Variants in CNTNAP5 observed in about 807,000 individuals in gnomAD.
CNTNAP5 encodes contactin-associated protein-like 5.
CNTNAP5 carries 72 observed loss-of-function variants against 150.2 expected under a neutral mutation model. The ratio of observed to expected loss-of-function variants is 0.48; its 90% confidence interval spans 0.40 to 0.58. The LOEUF (loss-of-function observed/expected upper bound fraction) is 0.58. CNTNAP5 is among the 20% of genes least tolerant of loss of function. The pLI is 0.00. For synonymous variants in CNTNAP5, 672 were observed against 619.8 expected, an observed-to-expected ratio of 1.08 and a Z score of -1.25; for missense variants, 1,636 against 1,626.2, an observed-to-expected ratio of 1.01 and a Z score of -0.10.
At chr2:124,124,707 C>G (rs1228462300) in intron 1 of CNTNAP5, among the ~76,000 whole-genome samples, 1 of 152,188 alleles carries the variant, frequency 6.6e-6, no homozygotes, top group Non-Finnish European at 1.5e-5. Context: ...AGACTAACAG[C>G]AGATCTCTCA....
chr2:124,680,091 A>T (rs2105067619), intron 13 of CNTNAP5, among the ~76,000 whole-genome samples: 1 of 151,916 alleles, frequency 6.6e-6, no homozygotes, highest in Non-Finnish European at 1.5e-5. Flanking sequence ...GTATCCAGAA[A>T]AAAGTGTACC....
At chr2:124,501,063 T>C (rs1256627219) in intron 7 of CNTNAP5, among the ~76,000 whole-genome samples, 1 of 152,078 alleles carries the variant, frequency 6.6e-6, no homozygotes, top group Non-Finnish European at 1.5e-5. Flanking sequence ...TCTTATAAGA[T>C]ATAGGGAGGA....
In CNTNAP5 at chr2:124,563,238, A is replaced by T; in HGVS notation, c.1671A>T (p.Glu557Asp). The change falls in exon 11 of 24, where the codon GAA (glutamate) becomes GAT (aspartate). Residue 557 changes from glutamate (E) to aspartate (D), a missense_variant. Coordinates refer to ENST00000682447, the MANE Select transcript of CNTNAP5 (RefSeq NM_001367498.1). ...TTAGGTGTTTGCCAAACTACTGTGA[A>T]CATGGAGGAAGCTGCTCCCAGTCCT... ...IKDRCLPNYC[E>D]HGGSCSQSWT... 1 of 1,593,574 alleles carries T rather than the reference A, an allele frequency of 6.3e-7. No individual in the cohort carries two copies. The highest frequency in any genetic ancestry group is 8.6e-7 in the Non-Finnish European group (1 of 1,168,878).
intron 3 of CNTNAP5, among the ~76,000 whole-genome samples, chr2:124,307,677 A>G (rs1039524499): frequency 1.1e-4 from 17 of 152,222 alleles, no homozygotes; most frequent in African/African-American, 4.1e-4. Flanking sequence ...GGGGGCTGAA[A>G]TGCAAACTGA....
intron 1 of CNTNAP5, among the ~76,000 whole-genome samples, chr2:124,069,154 C>A (rs916770462): frequency 1.3e-5 from 2 of 152,028 alleles, no homozygotes; most frequent in African/African-American, 4.8e-5. Context: ...TCACAAGGGC[C>A]TTAAGTGAAG....
At position 124,731,459 on chromosome 2, in the gene CNTNAP5, G is replaced by A. The variant is rs376987200; in HGVS notation, c.2078-15770G>A. On this transcript the variant is annotated intron_variant, in intron 13 of 23. Coordinates refer to ENST00000682447, the MANE Select transcript of CNTNAP5 (RefSeq NM_001367498.1). ...CTTGTCGAATCGATTGTGCTAAGGC[G>A]TTTAAAAAGGTTGCCTTTCAGGAGG... Among the ~76,000 whole-genome samples the A allele has an allele frequency of 9.9e-5, 15 of 151,838 alleles. No homozygotes were observed. The East Asian group carries it at 2.3e-3, about 24-fold the overall frequency.
chr2:124,202,173 C>T (rs2104711094), intron 1 of CNTNAP5, among the ~76,000 whole-genome samples: 1 of 152,210 alleles, frequency 6.6e-6, no homozygotes, highest in Admixed American at 6.5e-5. Flanking sequence ...TAAACTATGT[C>T]TAAAATCAAG....
In CNTNAP5 at chr2:124,398,480, C is replaced by CTTTATTTATTTATTTATTTA. The variant is rs71394036; in HGVS notation, c.382-18951_382-18932dup. On this transcript the variant is annotated intron_variant, in intron 3 of 23. Transcript: ENST00000682447. Reference sequence around the variant, plus strand: ...TATAGGGAATATTAAGAAATTTTTACTTTATTTATTTATTTATTTATTTAT... The same window carrying CTTTATTTATTTATTTATTTA: ...TATAGGGAATATTAAGAAATTTTTACTTTATTTATTTATTTATTTATTTATTTATTTATTTATTTATTTAT... 1.1e-3 allele frequency among the ~76,000 whole-genome samples: 169 copies of CTTTATTTATTTATTTATTTA among 147,984 alleles called. 1 individual carries two copies. The highest frequency in any genetic ancestry group is 2.6e-3 in the Admixed American group (38 of 14,690).
chr2:124,896,804 T>G (rs1346413780), intron 21 of CNTNAP5, among the ~76,000 whole-genome samples: 1 of 151,542 alleles, frequency 6.6e-6, no homozygotes, highest in East Asian at 1.9e-4. Flanking sequence ...CTCCCAAAAT[T>G]CTGGGATTAC....
intron 12 of CNTNAP5, among the ~76,000 whole-genome samples, chr2:124,645,054 A>C (rs749459856): frequency 1.9e-4 from 29 of 152,216 alleles, no homozygotes; most frequent in Non-Finnish European, 3.1e-4. Context: ...TATAAACATC[A>C]TGGACATTTC....
intron 1 of CNTNAP5, among the ~76,000 whole-genome samples, chr2:124,194,406 T>A (rs1199264993): frequency 2.0e-3 from 36 of 17,624 alleles, no homozygotes; most frequent in African/African-American, 7.0e-3. Flanking sequence ...TATATATATA[T>A]ATATAAATAT....
intron 14 of CNTNAP5, among the ~76,000 whole-genome samples, chr2:124,754,287 CTA>C (rs1242423655): frequency 1.3e-5 from 2 of 152,134 alleles, no homozygotes; most frequent in African/African-American, 4.8e-5. Context: ...TAGGCAATCT[CTA>C]TTGGTTGAAT....
chr2:124,890,867 G>A (rs140589577), intron 21 of CNTNAP5, among the ~76,000 whole-genome samples: 31 of 152,106 alleles, frequency 2.0e-4, no homozygotes, highest in African/African-American at 7.2e-4. Context: ...TACATGGGTG[G>A]GGAGTCTCCT....
intron 3 of CNTNAP5, among the ~76,000 whole-genome samples, chr2:124,263,581 T>C (rs1158219041): frequency 6.6e-6 from 1 of 152,204 alleles, no homozygotes; most frequent in Non-Finnish European, 1.5e-5. Context: ...GCAAAAATTT[T>C]CTCCCCTTCT....
chr2:124,683,903 G>A (rs2105071768), intron 13 of CNTNAP5, among the ~76,000 whole-genome samples: 2 of 152,214 alleles, frequency 1.3e-5, no homozygotes, highest in South Asian at 4.1e-4. Context: ...TTATCTACAT[G>A]ATGCCACTGG....
At chr2:124,713,242 T>TTTC in intron 13 of CNTNAP5, among the ~76,000 whole-genome samples, 1 of 14,928 alleles carries the variant, frequency 6.7e-5, no homozygotes, top group East Asian at 2.6e-3. Context: ...TTTCTTTCTT[T>TTTC]CTCTTTCTTT....
chr2:124,772,934 A>C lies in CNTNAP5; in HGVS notation c.2669A>C (p.Gln890Pro). 6.2e-7 allele frequency: 1 copy of C among 1,613,780 alleles called. No individual in the cohort carries two copies. The highest frequency in any genetic ancestry group is 2.2e-5 in the East Asian group (1 of 44,858). The change falls in exon 17 of 24, where the codon CAG becomes CCG. Residue 890 changes from glutamine to proline, a missense_variant. Physicochemically the swap from Gln to Pro is moderately conservative, Grantham distance 76. Transcript: ENST00000682447. ...AGGAACCTCAAGGAGACCTCCCTGC[A>C]GGTGGACAACCTTCCAAGGAGCACC... is the stretch of plus-strand genomic sequence containing the variant. Reference protein sequence around the residue: ...AERNLKETSLQVDNLPRSTRE... With the variant: ...AERNLKETSLPVDNLPRSTRE...
At chr2:124,425,510 A>G (rs911140935) in intron 4 of CNTNAP5, among the ~76,000 whole-genome samples, 2 of 152,112 alleles carry the variant, frequency 1.3e-5, no homozygotes, top group Non-Finnish European at 2.9e-5. Context: ...GATTTCTGAA[A>G]CCTCATCCCC....
chr2:124,143,840 G>A (rs955566757), intron 1 of CNTNAP5, among the ~76,000 whole-genome samples: 1 of 70,808 alleles, frequency 1.4e-5, no homozygotes. Context: ...TAGGAAAAGA[G>A]GAAGTCAAAT....
Sources: allele counts gnomAD v4.1 joint callset (sites outside exome capture counted in the v4.1 genomes callset), GRCh38; gene constraint gnomAD v4.1.1; transcripts MANE v1.5; gene names NCBI Gene and HGNC (gene_info 2026-07-23, HGNC 2026-07-21).